The following HECW2 variants were observed in gnomAD, a reference collection of about 807,000 sequenced individuals.
HECW2 encodes HECT, C2 and WW domain containing E3 ubiquitin protein ligase 2.
A neutral mutation model predicts 175.2 loss-of-function variants in HECW2; 61 were observed. The observed-to-expected ratio is 0.35, with a 90% CI of 0.28 to 0.43. The LOEUF is 0.43. Ranked by LOEUF, HECW2 falls within the 20% of genes least tolerant of loss-of-function variation. The pLI is 1.00. For missense variants in HECW2, 1,524 were observed against 2,000.5 expected (o/e 0.76, Z 4.54); for synonymous variants, 671 against 731.0 (o/e 0.92, Z 1.32).
rs566688105 is a variant in HECW2 at position 196,452,021 on chromosome 2, T to C, written c.-35-18563A>G. Among the ~76,000 whole-genome samples, 11 of 152,372 alleles carry C rather than the reference T, an allele frequency of 7.2e-5. No individual in the cohort carries two copies. In the South Asian group the frequency reaches 2.1e-3, roughly 29 times the overall value. On this transcript the variant is annotated intron_variant, in intron 1 of 28. Transcript: ENST00000644978. ...CTACATCAAATACTATAGTGTTGTA[T>C]TACCATTTTTATGTCATCTCATTGG...
At chr2:196,516,431 T>A (rs1212209328) in intron 1 of HECW2, among the ~76,000 whole-genome samples, 1 of 152,242 alleles carries the variant, frequency 6.6e-6, no homozygotes, top group African/African-American at 2.4e-5. Context: ...ACATGTGTAC[T>A]GTTTTTGTAA....
intron 2 of HECW2, among the ~76,000 whole-genome samples, chr2:196,408,207 CA>C (rs1695015172): frequency 6.6e-6 from 1 of 152,186 alleles, no homozygotes; most frequent in Non-Finnish European, 1.5e-5. Flanking sequence ...AGGCTAGAGA[CA>C]TATGCTATAT....
At chr2:196,359,178 G>A (rs938261806) in intron 2 of HECW2, among the ~76,000 whole-genome samples, 4 of 152,132 alleles carry the variant, frequency 2.6e-5, no homozygotes, top group African/African-American at 4.8e-5. Context: ...GGCCAGGCAC[G>A]GTGGCTCATG....
intron 1 of HECW2, among the ~76,000 whole-genome samples, chr2:196,472,347 CA>C (rs796610348): frequency 5.3e-5 from 8 of 150,238 alleles, no homozygotes; most frequent in African/African-American, 2.0e-4. Context: ...TGGGGGTGGT[CA>C]GGGGCGGGGG....
chr2:196,239,749 G>T (rs2105876781), intron 21 of HECW2: 1 of 152,288 alleles, frequency 6.6e-6, no homozygotes, highest in Admixed American at 6.5e-5. Context: ...GATGACAGCT[G>T]GCCTCTTCTA....
intron 1 of HECW2, among the ~76,000 whole-genome samples, chr2:196,486,540 AAAG>A (rs1224460914): frequency 3.3e-5 from 5 of 152,324 alleles, no homozygotes; most frequent in Admixed American, 3.3e-4. Flanking sequence ...CAGAAAAGAC[AAAG>A]AAGTGGCAAC....
intron 1 of HECW2, among the ~76,000 whole-genome samples, chr2:196,531,074 A>T (rs1688823956): frequency 1.3e-5 from 2 of 152,306 alleles, no homozygotes; most frequent in South Asian, 4.2e-4. Flanking sequence ...CTAATAGCAG[A>T]CTTCTCTCTG....
intron 1 of HECW2, among the ~76,000 whole-genome samples, chr2:196,479,120 C>T (rs1476057285): frequency 6.6e-6 from 1 of 152,160 alleles, no homozygotes; most frequent in African/African-American, 2.4e-5. Context: ...TTGATCACTG[C>T]GAGCACATAC....
chr2:196,448,222 G>C (rs1352380682), intron 1 of HECW2, among the ~76,000 whole-genome samples: 1 of 152,098 alleles, frequency 6.6e-6, no homozygotes, highest in African/African-American at 2.4e-5. Flanking sequence ...TATTTACTCT[G>C]CAATTTGGCT....
chr2:196,340,511 G>A (rs922304534), intron 3 of HECW2, among the ~76,000 whole-genome samples: 3 of 146,106 alleles, frequency 2.1e-5, no homozygotes, highest in Non-Finnish European at 3.0e-5. Context: ...CAGGAGAATC[G>A]CTTGAACCCA....
intron 2 of HECW2, among the ~76,000 whole-genome samples, chr2:196,368,890 A>G (rs1246244623): frequency 6.6e-6 from 1 of 151,890 alleles, no homozygotes; most frequent in Non-Finnish European, 1.5e-5. Flanking sequence ...TGTTTACTTG[A>G]ATTTCTTTTA....
chr2:196,384,029 T>A (rs1011573810), intron 2 of HECW2, among the ~76,000 whole-genome samples: 1 of 152,182 alleles, frequency 6.6e-6, no homozygotes, highest in African/African-American at 2.4e-5. Context: ...AGCAACTAGC[T>A]TAGTGCCTGC....
intron 2 of HECW2, chr2:196,362,135 C>G (rs1693607259): frequency 1.0e-6 from 1 of 985,212 alleles, no homozygotes; most frequent in South Asian, 4.7e-5. Context: ...AAAAGCCACT[C>G]CTGCCTTTCA....
At position 196,319,605 on chromosome 2, in the gene HECW2, A is replaced by C; in HGVS notation, c.1285T>G (p.Ser429Ala). 6.2e-7 allele frequency: 1 copy of C among 1,614,194 alleles called. No homozygotes were observed. The highest frequency in any genetic ancestry group is 8.5e-7 in the Non-Finnish European group (1 of 1,180,012). The change falls in exon 9 of 29, where the codon TCC (serine) becomes GCC (alanine). Residue 429 changes from serine (S) to alanine (A), a missense_variant. Physicochemically the swap from Ser to Ala is moderately conservative, Grantham distance 99. Around this residue, in one of 11 missense-constraint regions of HECW2, gnomAD observed 604 missense variants for 588.3 expected, o/e 1.03. Transcript: ENST00000644978. ...YLDAIEHNGH[S>A]RPGTATCSER... is the part of the protein sequence containing the mutation. Reference sequence around the variant, plus strand: ...GAGCAGGTCGCTGTCCCCGGCCTGGAGTGGCCATTGTGTTCGATAGCATCT... The same window carrying C: ...GAGCAGGTCGCTGTCCCCGGCCTGGCGTGGCCATTGTGTTCGATAGCATCT...
intron 18 of HECW2, among the ~76,000 whole-genome samples, chr2:196,255,159 T>TTTTC (rs1237143842): frequency 1.4e-5 from 2 of 144,304 alleles, no homozygotes; most frequent in Non-Finnish European, 3.1e-5. Context: ...TTTTTTTTTT[T>TTTTC]TTTTTTTTTT....
chr2:196,257,407 T>C (rs1298271483), intron 18 of HECW2, among the ~76,000 whole-genome samples: 1 of 146,950 alleles, frequency 6.8e-6, no homozygotes, highest in Non-Finnish European at 1.5e-5. Flanking sequence ...ACAAGGTAAA[T>C]AAATAATGCC....
intron 28 of HECW2, among the ~76,000 whole-genome samples, chr2:196,205,581 T>A (rs1482316805): frequency 2.0e-5 from 3 of 152,196 alleles, no homozygotes. Flanking sequence ...AGGGGATTTT[T>A]AGGTGATCAT....
At position 196,418,642 on chromosome 2, in the gene HECW2, G is replaced by T. The variant is rs935090664; in HGVS notation, c.292+14490C>A. Among the ~76,000 whole-genome samples, 10 of 152,096 alleles carry T rather than the reference G, an allele frequency of 6.6e-5. No individual in the cohort carries two copies. In the South Asian group the frequency reaches 1.0e-3, roughly 16 times the overall value. ...TTTCGGAAACAAGAGAATAAGAAAA[G>T]ACCAAAAAATGAGAGTATAAAGCAG... On this transcript the variant is annotated intron_variant, in intron 2 of 28. Transcript: ENST00000644978.
Position 196,197,177 on chromosome 2 carries a change from C to T in HECW2, c.*4100G>A, listed in dbSNP as rs1048436443. The T allele has an allele frequency of 5.9e-5, 9 of 152,028 alleles. No homozygotes were observed. Among genetic ancestry groups the T allele is most frequent in the African/African-American group, 2.2e-4 (9 of 41,372 alleles). 9.4% of individuals were successfully genotyped at this position (152,028 alleles called of 1,614,324 possible). On this transcript the variant is annotated 3_prime_UTR_variant, in exon 29 of 29. Coordinates refer to ENST00000644978, the MANE Select transcript of HECW2 (RefSeq NM_001348768.2). ...TGCATGTTTTTATTATGCAGGGTTA[C>T]AGATACCTCTTAATAATGGCATTGC...
Sources: allele counts gnomAD v4.1 joint callset (sites outside exome capture counted in the v4.1 genomes callset), GRCh38; gene constraint gnomAD v4.1.1; regional missense constraint gnomAD v4.1.1; transcripts MANE v1.5; gene names NCBI Gene and HGNC (gene_info 2026-07-23, HGNC 2026-07-21).